The following ALKBH8 variants were observed in gnomAD, a reference collection of about 807,000 sequenced individuals.
The protein encoded by ALKBH8 is tRNA (carboxymethyluridine(34)-5-O)-methyltransferase ALKBH8.
In ALKBH8, 36 loss-of-function variants were observed where a neutral mutation model predicts 59.8. The ratio of observed to expected loss-of-function variants is 0.60; its 90% CI spans 0.46 to 0.79. ALKBH8 has a LOEUF of 0.79. Among genes scored for constraint, ALKBH8 ranks in the 30% least tolerant of loss-of-function variants. The pLI, the probability that ALKBH8 is intolerant of heterozygous loss-of-function variation, is 0.00. For missense variants in ALKBH8, 768 were observed against 801.0 expected, an observed-to-expected ratio of 0.96 and a Z score of 0.50; for synonymous variants, 276 against 273.6, an observed-to-expected ratio of 1.01 and a Z score of -0.09.
chr11:107,547,795 C>T (rs1267865403), intron 7 of ALKBH8, among the ~76,000 whole-genome samples: 1 of 152,156 alleles, frequency 6.6e-6, no homozygotes, highest in African/African-American at 2.4e-5. Flanking sequence ...ACTTTCCAGC[C>T]ATTACAAAGA....
At chr11:107,546,728 A>G (rs1215691440) in intron 7 of ALKBH8, among the ~76,000 whole-genome samples, 1 of 152,230 alleles carries the variant, frequency 6.6e-6, no homozygotes, top group Non-Finnish European at 1.5e-5. Context: ...CACATATCAT[A>G]CATATTTCGA....
chr11:107,523,805 T>C (rs1863236188), intron 9 of ALKBH8, among the ~76,000 whole-genome samples: 1 of 151,930 alleles, frequency 6.6e-6, no homozygotes, highest in South Asian at 2.1e-4. Context: ...TTTCACCATG[T>C]TGGCCAGGCT....
At chr11:107,540,147 G>A (rs781279673) in intron 7 of ALKBH8, among the ~76,000 whole-genome samples, 18 of 152,104 alleles carry the variant, frequency 1.2e-4, no homozygotes, top group Admixed American at 8.5e-4. Context: ...CAGGTACCAT[G>A]CACACATTTA....
intron 11 of ALKBH8, among the ~76,000 whole-genome samples, chr11:107,509,121 C>T (rs1183480511): frequency 6.6e-6 from 1 of 152,176 alleles, no homozygotes; most frequent in Non-Finnish European, 1.5e-5. Flanking sequence ...TTTTACATTC[C>T]CACCAGCAAT....
chr11:107,513,012 AACAAAAACAACTGCC>A (rs1346847745), intron 10 of ALKBH8, among the ~76,000 whole-genome samples: 1 of 152,210 alleles, frequency 6.6e-6, no homozygotes, highest in East Asian at 1.9e-4. Flanking sequence ...TGACAAAGAC[AACAAAAACAACTGCC>A]ACAAAAACAA....
intron 9 of ALKBH8, among the ~76,000 whole-genome samples, chr11:107,524,954 A>G (rs971174758): frequency 6.6e-6 from 1 of 152,198 alleles, no homozygotes; most frequent in Non-Finnish European, 1.5e-5. Context: ...CAAGTTTTTG[A>G]GCAGTTTTTA....
At position 107,561,275 on chromosome 11, in the gene ALKBH8, A is replaced by G. The variant is rs139294102; in HGVS notation, c.-6-376T>C. Among the ~76,000 whole-genome samples, 781 of 152,250 alleles carry G rather than the reference A, an allele frequency of 5.1e-3. 5 individuals carry two copies. Among genetic ancestry groups the G allele is most frequent in the Admixed American group, 0.012 (185 of 15,294 alleles). ...GCAGGCAGGGGAGCGGTGGGGGGAG[A>G]AATAACACACAAAAAATTAGCAGAC... On this transcript the variant is annotated intron_variant, in intron 1 of 11. Transcript: ENST00000428149.
In ALKBH8 at chr11:107,532,294, A is replaced by G; in HGVS notation, c.878+6T>C. On this transcript the variant is annotated splice_donor_region_variant and intron_variant, in intron 8 of 11. Transcript: ENST00000428149. ...AAAAAGAATCCTGTCATATTTCAAT[A>G]CATACCCATGGGTCCAAAGGTATCT... 2 of 1,609,026 alleles carry G rather than the reference A, an allele frequency of 1.2e-6. No homozygotes were observed. Among genetic ancestry groups the G allele is most frequent in the Non-Finnish European group, 1.7e-6 (2 of 1,176,468 alleles).
Position 107,514,423 on chromosome 11 carries a change from C to T in ALKBH8, c.1288-3387G>A, listed in dbSNP as rs551339045. Reference sequence around the variant, plus strand: ...GTATTAAACAGCTTCTATATTTTATCCTGGAGCTGCTTTAATTTTAAAGTG... The same window carrying T: ...GTATTAAACAGCTTCTATATTTTATTCTGGAGCTGCTTTAATTTTAAAGTG... On this transcript the variant is annotated intron_variant, in intron 10 of 11. Transcript: ENST00000428149. Among the ~76,000 whole-genome samples the T allele has an allele frequency of 3.3e-5, 5 of 152,134 alleles. No homozygotes were observed. The South Asian group carries it at 1.0e-3, about 32-fold the overall frequency.
At chr11:107,555,151 T>C (rs1864654412) in intron 3 of ALKBH8, among the ~76,000 whole-genome samples, 1 of 152,062 alleles carries the variant, frequency 6.6e-6, no homozygotes, top group African/African-American at 2.4e-5. Flanking sequence ...TCTCAGCTTC[T>C]CGGGAGGCTG....
intron 7 of ALKBH8, among the ~76,000 whole-genome samples, chr11:107,538,615 T>G (rs1317746701): frequency 2.6e-5 from 4 of 152,220 alleles, no homozygotes; most frequent in Non-Finnish European, 4.4e-5. Flanking sequence ...CATTCTCATC[T>G]TATACAACTT....
intron 2 of ALKBH8, among the ~76,000 whole-genome samples, 171 bp from the exon 3 acceptor site, chr11:107,557,174 A>G (rs1864754556): frequency 6.6e-6 from 1 of 152,216 alleles, no homozygotes; most frequent in African/African-American, 2.4e-5. Context: ...AAACCAATTT[A>G]CTAAAAATTT....
At chr11:107,554,187 C>G (rs1480444688) in intron 3 of ALKBH8, among the ~76,000 whole-genome samples, 1 of 152,180 alleles carries the variant, frequency 6.6e-6, no homozygotes, top group African/African-American at 2.4e-5. Flanking sequence ...CAATTACCAA[C>G]AGCAAACAGA....
chr11:107,504,877 T>C lies in ALKBH8; in HGVS notation c.1776A>G (p.Val592=). 6.4e-7 allele frequency: 1 copy of C among 1,551,830 alleles called. No individual in the cohort carries two copies. The highest frequency in any genetic ancestry group is 1.2e-5 in the South Asian group (1 of 84,050). Reference sequence around the variant, plus strand: ...TTCCCTTAAGGTGCCAGGGAACCAGTACATCTTGAGAATAAAAAGAAGTCC... The same window carrying C: ...TTCCCTTAAGGTGCCAGGGAACCAGCACATCTTGAGAATAAAAAGAAGTCC... The part of the protein sequence containing the change: ...VNRTSFYSQD[V]LVPWHLKGNP... Residue 592 remains valine (V), a synonymous_variant, in exon 12 of 12, where the codon GTA becomes GTG. Transcript: ENST00000428149.
chr11:107,555,788 C>G (rs1230303561), intron 3 of ALKBH8, among the ~76,000 whole-genome samples: 1 of 152,108 alleles, frequency 6.6e-6, no homozygotes, highest in East Asian at 1.9e-4. Flanking sequence ...AATCTAAGTT[C>G]ATCTCAATAC....
chr11:107,558,646 G>A (rs577246892), intron 2 of ALKBH8, among the ~76,000 whole-genome samples: 14 of 151,944 alleles, frequency 9.2e-5, no homozygotes, highest in Non-Finnish European at 1.3e-4. Context: ...AAACAAGTGC[G>A]GTAGAAGAGG....
At chr11:107,564,656 T>A (rs1372364970) in intron 1 of ALKBH8, among the ~76,000 whole-genome samples, 1 of 152,212 alleles carries the variant, frequency 6.6e-6, no homozygotes, top group African/African-American at 2.4e-5. Context: ...AAATAAAGAT[T>A]TAAAATTTTT....
intron 11 of ALKBH8, among the ~76,000 whole-genome samples, chr11:107,506,699 C>A (rs1862401398): frequency 6.6e-6 from 1 of 151,988 alleles, no homozygotes; most frequent in African/African-American, 2.4e-5. Context: ...GAATTTAATA[C>A]CTACTAAAAA....
chr11:107,534,482 T>C (rs1863727655), intron 7 of ALKBH8, among the ~76,000 whole-genome samples: 1 of 152,232 alleles, frequency 6.6e-6, no homozygotes, highest in Admixed American at 6.5e-5. Flanking sequence ...TTACACTTTT[T>C]GGCTAATATT....
Sources: gnomAD v4.1 joint callset for allele counts (sites outside exome capture counted in the v4.1 genomes callset) on GRCh38, gnomAD v4.1.1 for gene constraint, MANE v1.5 for transcripts, NCBI Gene and HGNC (gene_info 2026-07-23, HGNC 2026-07-21) for gene names.